CTNND2: variants seen among roughly 807,000 people sequenced by gnomAD.
The protein encoded by CTNND2 is catenin delta 2, also known as catenin delta-2.
A neutral mutation model predicts 144.4 loss-of-function variants in CTNND2; 22 were observed. That is an observed-to-expected ratio of 0.15 (90% CI 0.11 to 0.22). CTNND2 has a LOEUF of 0.22. Among genes scored for constraint, CTNND2 ranks in the 10% least tolerant of loss-of-function variants. The pLI, the probability that CTNND2 is intolerant of heterozygous loss-of-function variation, is 1.00. For synonymous variants in CTNND2, 751 were observed against 695.6 expected (o/e 1.08, Z -1.25); for missense variants, 1,353 against 1,618.8 (o/e 0.84, Z 2.82).
rs376784475 is a variant in CTNND2, at chr5:10,988,154, G to C, written c.3300C>G (p.His1100Gln). 6.2e-6 allele frequency: 10 copies of C among 1,614,108 alleles called. No homozygotes were observed. In the Admixed American group the frequency reaches 1.7e-4, roughly 27 times the overall value. ...TGGAAGTGTGTTCGCCTTTAGCTCC[G>C]TGGTAGGTGGCGTTGCTGCCGGTGC... ...YECTGSNATY[H>Q]GAKGEHTSRK... The change falls in exon 20 of 22, where the codon CAC becomes CAG. Residue 1100 changes from histidine (H) to glutamine (Q), a missense_variant. Physicochemically the swap from His to Gln is conservative, Grantham distance 24. Transcript: ENST00000304623. This position sits in a 1 kb window ranked among gnomAD's most constrained non-coding sequence, Gnocchi z 5.9.
chr5:11,493,203 T>A (rs1164508379), intron 3 of CTNND2, among the ~76,000 whole-genome samples: 1 of 152,134 alleles, frequency 6.6e-6, no homozygotes, highest in Non-Finnish European at 1.5e-5. Flanking sequence ...AATGACCACA[T>A]CCTGGCCTGC....
intron 2 of CTNND2, among the ~76,000 whole-genome samples, chr5:11,707,219 G>T (rs1460315491): frequency 1.3e-5 from 2 of 151,732 alleles, no homozygotes; most frequent in East Asian, 3.9e-4. Context: ...TTTTTTTGTT[G>T]ATGAACTTTC....
At chr5:11,783,976 C>T (rs2126854240) in intron 1 of CTNND2, among the ~76,000 whole-genome samples, 1 of 152,274 alleles carries the variant, frequency 6.6e-6, no homozygotes, top group East Asian at 1.9e-4. Context: ...GTGAACCACC[C>T]TATAGAGCTG....
intron 2 of CTNND2, among the ~76,000 whole-genome samples, chr5:11,697,078 CTGTT>C (rs1785175028): frequency 6.6e-6 from 1 of 152,162 alleles, no homozygotes; most frequent in South Asian, 2.1e-4. Context: ...TTTTTGAAGA[CTGTT>C]TAAGGAACCG....
intron 2 of CTNND2, among the ~76,000 whole-genome samples, chr5:11,731,456 A>G (rs887366510): frequency 2.0e-5 from 3 of 152,202 alleles, no homozygotes; most frequent in Non-Finnish European, 4.4e-5. Flanking sequence ...AAAAACCGTT[A>G]TACTTTCTAG....
At chr5:11,480,847 A>G (rs767189894) in intron 3 of CTNND2, among the ~76,000 whole-genome samples, 2 of 152,118 alleles carry the variant, frequency 1.3e-5, no homozygotes, top group Non-Finnish European at 2.9e-5. Flanking sequence ...GCAGGGAACC[A>G]TCTTGTGTTG....
Position 11,551,313 on chromosome 5 carries a change from G to A in CTNND2, c.287+13631C>T, listed in dbSNP as rs530107745. On this transcript the variant is annotated intron_variant, in intron 3 of 21. Transcript: ENST00000304623. Reference sequence around the variant, plus strand: ...CCATTTCTTTCCCTGCCAATATTTTGCATCCCTGACAAAGAAATATCCCTC... The same window carrying A: ...CCATTTCTTTCCCTGCCAATATTTTACATCCCTGACAAAGAAATATCCCTC... 4.0e-5 allele frequency among the ~76,000 whole-genome samples: 6 copies of A among 150,028 alleles called. No homozygotes were observed. In the East Asian group the frequency reaches 1.2e-3, roughly 29 times the overall value.
chr5:11,600,848 T>C (rs1011719788), intron 2 of CTNND2, among the ~76,000 whole-genome samples: 1 of 151,946 alleles, frequency 6.6e-6, no homozygotes, highest in Non-Finnish European at 1.5e-5. Context: ...AATGAGAGCA[T>C]TGGTGGTAAA....
At chr5:11,767,544 C>T (rs1331994224) in intron 1 of CTNND2, among the ~76,000 whole-genome samples, 1 of 152,202 alleles carries the variant, frequency 6.6e-6, no homozygotes, top group Non-Finnish European at 1.5e-5. Flanking sequence ...CTTTGACAAG[C>T]AAGTTAGATG....
chr5:11,070,993 G>C (rs1057048616), intron 16 of CTNND2, among the ~76,000 whole-genome samples: 2 of 151,570 alleles, frequency 1.3e-5, no homozygotes, highest in South Asian at 4.2e-4. Flanking sequence ...AGGGAGGAGA[G>C]GAGAGGGGGA....
intron 3 of CTNND2, among the ~76,000 whole-genome samples, chr5:11,470,863 C>G (rs1378871476): frequency 6.7e-6 from 1 of 149,942 alleles, no homozygotes; most frequent in Non-Finnish European, 1.5e-5. Flanking sequence ...GAAGTGAAAT[C>G]ACATTTTCAT....
At chr5:11,838,153 A>G (rs1305927513) in intron 1 of CTNND2, among the ~76,000 whole-genome samples, 2 of 152,088 alleles carry the variant, frequency 1.3e-5, no homozygotes, top group African/African-American at 4.8e-5. Flanking sequence ...GCCCTTCCCA[A>G]CATCTCAAGG....
intron 11 of CTNND2, among the ~76,000 whole-genome samples, chr5:11,183,730 T>C (rs929523975): frequency 6.6e-6 from 1 of 151,840 alleles, no homozygotes; most frequent in Admixed American, 6.6e-5. Flanking sequence ...GCTAATTTTT[T>C]GTATTTTTAG....
At chr5:11,076,199 C>A (rs1035156954) in intron 16 of CTNND2, among the ~76,000 whole-genome samples, 11 of 152,178 alleles carry the variant, frequency 7.2e-5, no homozygotes, top group African/African-American at 2.7e-4. Flanking sequence ...CAAATAGGTG[C>A]TGCCCACTTC....
chr5:11,175,231 C>T (rs1760361022), intron 11 of CTNND2, among the ~76,000 whole-genome samples: 1 of 151,768 alleles, frequency 6.6e-6, no homozygotes, highest in Non-Finnish European at 1.5e-5. Flanking sequence ...AGAAAAAGTG[C>T]ATGTTTTTGG....
chr5:11,437,563 A>C (rs1763879798), intron 3 of CTNND2, among the ~76,000 whole-genome samples: 1 of 152,300 alleles, frequency 6.6e-6, no homozygotes, highest in Admixed American at 6.5e-5. Context: ...AGGGGAGTAA[A>C]TAAGGGATAG....
chr5:11,602,977 T>A (rs1328960344), intron 2 of CTNND2, among the ~76,000 whole-genome samples: 1 of 151,808 alleles, frequency 6.6e-6, no homozygotes, highest in African/African-American at 2.4e-5. Context: ...GTAATAATGA[T>A]TTACTTAAAT....
chr5:11,824,865 A>T (rs574190939), intron 1 of CTNND2, among the ~76,000 whole-genome samples: 1 of 152,316 alleles, frequency 6.6e-6, no homozygotes, highest in Admixed American at 6.5e-5. Context: ...AGCCTGAACA[A>T]TTCTGTCACC....
rs564170945 is a variant in CTNND2, at chr5:11,431,816, C to T, written c.288-19747G>A. ...AGACCCAGAAGCTCTGGGCAAGTAA[C>T]TTGGTGTTGTTAAAGCGGCTAAGGT... On this transcript the variant is annotated intron_variant, in intron 3 of 21. Transcript: ENST00000304623. Among the ~76,000 whole-genome samples, 93 of 152,130 alleles carry T rather than the reference C, an allele frequency of 6.1e-4. 1 individual carries two copies. Among genetic ancestry groups the T allele is most frequent in the African/African-American group, 2.1e-3 (89 of 41,492 alleles).
Sources: gnomAD v4.1 joint callset for allele counts (sites outside exome capture counted in the v4.1 genomes callset) on GRCh38, gnomAD v4.1.1 for gene constraint, Gnocchi (gnomAD v3.1) non-coding constraint, MANE v1.5 for transcripts, NCBI Gene and HGNC (gene_info 2026-07-23, HGNC 2026-07-21) for gene names.